TBC1D5: variants seen among roughly 807,000 people sequenced by gnomAD.
TBC1D5 encodes the protein TBC1 domain family, member 5.
In TBC1D5, 75 loss-of-function variants were observed where a neutral mutation model predicts 100.3. That is an observed-to-expected ratio of 0.75 (90% CI 0.62 to 0.91). The LOEUF (loss-of-function observed/expected upper bound fraction) is 0.91, where lower values mean the gene tolerates loss of function less well. Among genes scored for constraint, TBC1D5 ranks in the 40% least tolerant of loss-of-function variants. The pLI is 0.00. For synonymous variants in TBC1D5, 323 were observed against 325.6 expected, an observed-to-expected ratio of 0.99 and a Z score of 0.09; for missense variants, 910 against 942.4, an observed-to-expected ratio of 0.97 and a Z score of 0.45.
intron 16 of TBC1D5, 58 bp downstream of exon 16, chr3:17,258,448 G>T (rs922990978): frequency 3.0e-5 from 45 of 1,512,964 alleles, no homozygotes; most frequent in Non-Finnish European, 4.0e-5. Flanking sequence ...AAAATTTCCT[G>T]ATGATCTCTG....
At chr3:17,468,395 A>C (rs780404042) in intron 3 of TBC1D5, among the ~76,000 whole-genome samples, 1 of 152,108 alleles carries the variant, frequency 6.6e-6, no homozygotes, top group Non-Finnish European at 1.5e-5. Flanking sequence ...ATTTTTTTTC[A>C]ATAATAACTG....
intron 1 of TBC1D5, among the ~76,000 whole-genome samples, chr3:17,732,277 C>G (rs1362557794): frequency 6.6e-6 from 1 of 151,918 alleles, no homozygotes; most frequent in Non-Finnish European, 1.5e-5. Flanking sequence ...AAGGTCACAC[C>G]ACTGCACTCC....
chr3:17,704,342 C>T (rs1323473367), intron 1 of TBC1D5, among the ~76,000 whole-genome samples: 2 of 151,856 alleles, frequency 1.3e-5, no homozygotes, highest in Non-Finnish European at 1.5e-5. Context: ...GACACGGCAA[C>T]CATCCGATTT....
At chr3:17,450,863 C>T (rs2094910064) in intron 3 of TBC1D5, among the ~76,000 whole-genome samples, 1 of 152,158 alleles carries the variant, frequency 6.6e-6, no homozygotes, top group Non-Finnish European at 1.5e-5. Flanking sequence ...GGCCAACATT[C>T]AAATTCAGGA....
At chr3:17,219,330 G>T (rs1294158452) in intron 17 of TBC1D5, among the ~76,000 whole-genome samples, 1 of 151,236 alleles carries the variant, frequency 6.6e-6, no homozygotes, top group Admixed American at 6.6e-5. Flanking sequence ...CATTCCTTTA[G>T]TTCTTTAGAC....
At chr3:17,498,728 T>C in intron 3 of TBC1D5, among the ~76,000 whole-genome samples, 1 of 152,166 alleles carries the variant, frequency 6.6e-6, no homozygotes, top group East Asian at 1.9e-4. Context: ...ATAATAATTT[T>C]TTAAACCTCC....
At chr3:17,451,930 A>G (rs980735384) in intron 3 of TBC1D5, among the ~76,000 whole-genome samples, 1 of 152,162 alleles carries the variant, frequency 6.6e-6, no homozygotes, top group African/African-American at 2.4e-5. Flanking sequence ...CAAAAAAGAA[A>G]AAAAATTACA....
At chr3:17,729,385 T>TA (rs1353183021) in intron 1 of TBC1D5, among the ~76,000 whole-genome samples, 6 of 150,568 alleles carry the variant, frequency 4.0e-5, no homozygotes, top group African/African-American at 7.3e-5. Context: ...CAAAACTGAT[T>TA]AAGTTACATG....
intron 18 of TBC1D5, among the ~76,000 whole-genome samples, chr3:17,185,702 TA>T (rs5846952): frequency 6.8e-6 from 1 of 146,680 alleles, no homozygotes. Context: ...TTTGTAAAAA[TA>T]AAAAAAAAAT....
intron 15 of TBC1D5, among the ~76,000 whole-genome samples, chr3:17,278,613 G>C (rs2080265328): frequency 6.6e-6 from 1 of 152,120 alleles, no homozygotes; most frequent in Non-Finnish European, 1.5e-5. Flanking sequence ...GCTTTGTGAA[G>C]GTGAGTTTTT....
chr3:17,445,850 A>G (rs891890139), intron 3 of TBC1D5, among the ~76,000 whole-genome samples: 5 of 152,204 alleles, frequency 3.3e-5, no homozygotes, highest in African/African-American at 9.6e-5. Context: ...TTCGCCACAG[A>G]TAAGAGTGTA....
At chr3:17,214,272 C>T (rs760594620) in exon 18 of TBC1D5, 1 of 1,613,328 alleles carries the variant, frequency 6.2e-7, no homozygotes, top group East Asian at 2.2e-5. Context: ...AAAAAGGAAT[C>T]TTTTTTAGTA....
intron 13 of TBC1D5, chr3:17,337,388 G>A (rs768951200): frequency 2.6e-5 from 4 of 152,092 alleles, no homozygotes; most frequent in Non-Finnish European, 4.4e-5. Context: ...ACTCTGTTAC[G>A]TTGTACTTGG....
chr3:17,665,220 C>A (rs2067129854), intron 1 of TBC1D5, among the ~76,000 whole-genome samples: 1 of 152,094 alleles, frequency 6.6e-6, no homozygotes, highest in Non-Finnish European at 1.5e-5. Context: ...GAGAAGCAGC[C>A]TCCTACTTAA....
At chr3:17,268,109 G>A (rs566815339) in intron 15 of TBC1D5, among the ~76,000 whole-genome samples, 4 of 152,072 alleles carry the variant, frequency 2.6e-5, no homozygotes, top group African/African-American at 9.6e-5. Context: ...AGACCATGGA[G>A]AAGAGTCCAT....
chr3:17,372,158 G>T (rs2092495834), exon 13 of TBC1D5: 3 of 1,613,802 alleles, frequency 1.9e-6, no homozygotes, highest in Non-Finnish European at 2.5e-6. Context: ...GATGATCCTG[G>T]ATCTGGTTGA....
At chr3:17,289,934 T>C (rs961576326) in intron 15 of TBC1D5, among the ~76,000 whole-genome samples, 1 of 152,228 alleles carries the variant, frequency 6.6e-6, no homozygotes, top group Non-Finnish European at 1.5e-5. Context: ...CAGCCACATA[T>C]ACACTTAACT....
intron 1 of TBC1D5, among the ~76,000 whole-genome samples, chr3:17,644,749 A>C (rs868020099): frequency 1.3e-5 from 2 of 152,164 alleles, no homozygotes; most frequent in Non-Finnish European, 2.9e-5. Flanking sequence ...AGTCATTTTT[A>C]AAAGTGATTT....
chr3:17,214,543 C>CTGGT (rs1295866005), intron 17 of TBC1D5, among the ~76,000 whole-genome samples, 173 bp from the exon 19 acceptor site: 3 of 151,426 alleles, frequency 2.0e-5, no homozygotes, highest in Non-Finnish European at 2.9e-5. Context: ...AGAATAGCCA[C>CTGGT]TGGTTTTCAA....
Sources: gnomAD v4.1 joint callset for allele counts (sites outside exome capture counted in the v4.1 genomes callset) on GRCh38, gnomAD v4.1.1 for gene constraint, MANE v1.5 for transcripts, NCBI Gene and HGNC (gene_info 2026-07-23, HGNC 2026-07-21) for gene names.